Variants in ARHGAP44 observed in about 807,000 individuals in gnomAD.
The protein encoded by ARHGAP44 is Rho GTPase activating protein 44.
In ARHGAP44, 43 loss-of-function variants were observed where a neutral mutation model predicts 106.8. That is an observed-to-expected ratio of 0.40 (90% CI 0.32 to 0.52). ARHGAP44 has a LOEUF of 0.52. Among genes scored for constraint, ARHGAP44 ranks in the 20% least tolerant of loss-of-function variants. The probability of loss-of-function intolerance (pLI) is 0.48; values close to 1 mark genes in which losing one functional copy is unlikely to be tolerated. For synonymous variants in ARHGAP44, 439 were observed against 410.3 expected (o/e 1.07, Z -0.85); for missense variants, 866 against 1,050.5 (o/e 0.82, Z 2.43).
chr17:12,943,564 G>A, intron 8 of ARHGAP44, 24 bp from the exon 9 acceptor site: 1 of 1,612,130 alleles, frequency 6.2e-7, no homozygotes, highest in Non-Finnish European at 8.5e-7. Flanking sequence ...CACTAAGGGT[G>A]ATGCTTGCCT....
At chr17:12,971,931 A>C (rs2039537623) in intron 16 of ARHGAP44, among the ~76,000 whole-genome samples, 1 of 152,156 alleles carries the variant, frequency 6.6e-6, no homozygotes, top group African/African-American at 2.4e-5. Context: ...TTTCCTTAAA[A>C]CAGCTAAATC....
At chr17:12,834,248 C>T (rs762164920) in intron 1 of ARHGAP44, among the ~76,000 whole-genome samples, 1 of 152,164 alleles carries the variant, frequency 6.6e-6, no homozygotes, top group Non-Finnish European at 1.5e-5. Context: ...GGCTCTAAGC[C>T]GCCAAGTCCT....
At chr17:12,931,748 C>T (rs1331424271) in intron 7 of ARHGAP44, among the ~76,000 whole-genome samples, 1 of 151,966 alleles carries the variant, frequency 6.6e-6, no homozygotes, top group African/African-American at 2.4e-5. Flanking sequence ...ATCCACCTGC[C>T]TCAGCCTCCC....
At chr17:12,833,533 C>T (rs1005790651) in intron 1 of ARHGAP44, among the ~76,000 whole-genome samples, 4 of 152,166 alleles carry the variant, frequency 2.6e-5, no homozygotes, top group Admixed American at 2.0e-4. Flanking sequence ...TCCTGCTCTT[C>T]CTCTTCTTTC....
chr17:12,893,395 T>C (rs956937801), intron 1 of ARHGAP44, among the ~76,000 whole-genome samples: 7 of 152,150 alleles, frequency 4.6e-5, no homozygotes, highest in Non-Finnish European at 1.0e-4. Flanking sequence ...GTCTGTCCAC[T>C]AGGACTCCTT....
At chr17:12,886,569 CTG>C (rs2036887618) in intron 1 of ARHGAP44, among the ~76,000 whole-genome samples, 3 of 152,040 alleles carry the variant, frequency 2.0e-5, no homozygotes, top group African/African-American at 7.2e-5. Flanking sequence ...TTTTAAGAAA[CTG>C]TCAGTGGTAT....
At chr17:12,928,523 G>T (rs2038310699) in intron 6 of ARHGAP44, among the ~76,000 whole-genome samples, 1 of 152,180 alleles carries the variant, frequency 6.6e-6, no homozygotes, top group South Asian at 2.1e-4. Flanking sequence ...CTGTGTGTGT[G>T]TGTACATGTG....
At chr17:12,869,531 G>A (rs1462165669) in intron 1 of ARHGAP44, among the ~76,000 whole-genome samples, 1 of 151,980 alleles carries the variant, frequency 6.6e-6, no homozygotes, top group Non-Finnish European at 1.5e-5. Context: ...GGTGTTAAGT[G>A]TGTTTACATT....
chr17:12,980,001 G>A, intron 18 of ARHGAP44, 57 bp from the exon 19 acceptor site: 1 of 1,514,692 alleles, frequency 6.6e-7, no homozygotes, highest in Non-Finnish European at 8.9e-7. Flanking sequence ...GGCAAGGCTG[G>A]TGCTGCCGCT....
intron 1 of ARHGAP44, among the ~76,000 whole-genome samples, chr17:12,843,413 T>C (rs1339197216): frequency 1.3e-5 from 2 of 151,538 alleles, no homozygotes; most frequent in Non-Finnish European, 2.9e-5. Flanking sequence ...TTGTAAGCAT[T>C]TTTTTTTCCC....
chr17:12,798,138 C>A (rs2033979145), intron 1 of ARHGAP44, among the ~76,000 whole-genome samples: 1 of 152,026 alleles, frequency 6.6e-6, no homozygotes, highest in Non-Finnish European at 1.5e-5. Flanking sequence ...ACAATTAGGT[C>A]TTCTGCAAAT....
intron 1 of ARHGAP44, among the ~76,000 whole-genome samples, chr17:12,817,714 T>G (rs964847471): frequency 6.6e-6 from 1 of 152,008 alleles, no homozygotes; most frequent in South Asian, 2.1e-4. Flanking sequence ...GGAAAGTTGT[T>G]TAAAGGATTA....
At chr17:12,980,031 CT>C in intron 18 of ARHGAP44, 26 bp from the exon 19 acceptor site, 1 of 1,578,952 alleles carries the variant, frequency 6.3e-7, no homozygotes, top group South Asian at 1.1e-5. Context: ...CAGGGCTTTT[CT>C]TTTGTCTCAT....
chr17:12,826,061 T>C (rs112599860), intron 1 of ARHGAP44, among the ~76,000 whole-genome samples: 1 of 152,196 alleles, frequency 6.6e-6, no homozygotes, highest in Admixed American at 6.5e-5. Context: ...TTGACAAGTT[T>C]GGGTTTTTTT....
chr17:12,856,425 T>C (rs1257656595), intron 1 of ARHGAP44, among the ~76,000 whole-genome samples: 1 of 152,180 alleles, frequency 6.6e-6, no homozygotes, highest in African/African-American at 2.4e-5. Context: ...TCCCTACAGG[T>C]AGGCTTAGAG....
At chr17:12,909,667 G>T (rs2037666500) in intron 4 of ARHGAP44, among the ~76,000 whole-genome samples, 1 of 152,134 alleles carries the variant, frequency 6.6e-6, no homozygotes, top group Non-Finnish European at 1.5e-5. Flanking sequence ...GCAGAGATAA[G>T]GAGGTAGGCA....
chr17:12,973,550 C>A (rs75772201), intron 17 of ARHGAP44: 51,050 of 567,852 alleles, frequency 0.09, 2,659 homozygotes, highest in Admixed American at 0.12. Context: ...CAGAGGTGTG[C>A]CTTGGCCAGG....
Position 12,987,319 on chromosome 17 carries a change from T to C in ARHGAP44, c.2317+2411T>C, listed in dbSNP as rs372757565. On this transcript the variant is annotated intron_variant, in intron 20 of 20. Transcript: ENST00000379672. ...AAGGATGAGTTGATCCATGAGCTTA[T>C]TTGGCTTTGGGGCATCCCTGGCCTC... 892 of 593,784 alleles carry C rather than the reference T, an allele frequency of 1.5e-3. 15 individuals carry two copies. In the South Asian group the frequency reaches 0.024, roughly 16 times the overall value. The allele number at this position is 593,784 out of a possible 1,614,324, so 36.8% of individuals were successfully genotyped here.
chr17:12,954,702 A>G (rs1027749891), intron 13 of ARHGAP44, among the ~76,000 whole-genome samples: 1 of 151,842 alleles, frequency 6.6e-6, no homozygotes, highest in African/African-American at 2.4e-5. Flanking sequence ...CAGAGAAAAC[A>G]TGTCTTCTCG....
Sources: gnomAD v4.1 joint callset for allele counts (sites outside exome capture counted in the v4.1 genomes callset) on GRCh38, gnomAD v4.1.1 for gene constraint, MANE v1.5 for transcripts, NCBI Gene and HGNC (gene_info 2026-07-23, HGNC 2026-07-21) for gene names.